The following KLHDC4 variants were observed in gnomAD, a reference collection of about 807,000 sequenced individuals.
The protein encoded by KLHDC4 is kelch domain-containing protein 4.
A neutral mutation model predicts 62.4 loss-of-function variants in KLHDC4; 90 were observed. The observed-to-expected ratio is 1.44, with a 90% CI of 1.22 to 1.72. The LOEUF is 1.72. Among genes scored for constraint, KLHDC4 ranks in the 40% most tolerant of loss-of-function variants. KLHDC4 has a pLI of 0.00. For missense variants in KLHDC4, 1,025 were observed against 699.7 expected, an observed-to-expected ratio of 1.47 and a Z score of -5.25; for synonymous variants, 386 against 284.4, an observed-to-expected ratio of 1.36 and a Z score of -3.59.
chr16:87,724,222 T>C, intron 7 of KLHDC4, among the ~76,000 whole-genome samples: 1 of 152,186 alleles, frequency 6.6e-6, no homozygotes, highest in East Asian at 1.9e-4. Context: ...AATGCTGCTC[T>C]TGAGAATTAG....
At chr16:87,761,448 G>A (rs2045885951) in intron 2 of KLHDC4, among the ~76,000 whole-genome samples, 1 of 152,206 alleles carries the variant, frequency 6.6e-6, no homozygotes, top group African/African-American at 2.4e-5. Flanking sequence ...TCTCATTCCA[G>A]CTCATCCCAC....
At chr16:87,720,438 C>T (rs1287372542) in intron 7 of KLHDC4, among the ~76,000 whole-genome samples, 1 of 152,214 alleles carries the variant, frequency 6.6e-6, no homozygotes, top group Admixed American at 6.5e-5. Flanking sequence ...CTTTGCCAGA[C>T]GCAGGTCCAG....
At chr16:87,745,758 C>T (rs2042946446) in intron 5 of KLHDC4, among the ~76,000 whole-genome samples, 1 of 152,118 alleles carries the variant, frequency 6.6e-6, no homozygotes, top group Non-Finnish European at 1.5e-5. Flanking sequence ...AGGGCAAGGG[C>T]TCAGCACCCC....
chr16:87,746,693 AAAG>A (rs1346845286), intron 5 of KLHDC4, among the ~76,000 whole-genome samples: 5 of 152,192 alleles, frequency 3.3e-5, no homozygotes, highest in African/African-American at 4.8e-5. Context: ...ATTCTGGCAA[AAAG>A]AAGAGAGTGA....
intron 4 of KLHDC4, 110 bp from the exon 5 acceptor site, chr16:87,748,919 C>G: frequency 7.9e-7 from 1 of 1,269,302 alleles, no homozygotes; most frequent in Non-Finnish European, 1.1e-6. Context: ...TGCCCTGCAA[C>G]ATGACCAGCC....
intron 7 of KLHDC4, among the ~76,000 whole-genome samples, chr16:87,716,864 G>A (rs1287225999): frequency 5.3e-5 from 8 of 152,118 alleles, no homozygotes; most frequent in African/African-American, 1.2e-4. Flanking sequence ...CCCAGGAGGC[G>A]GAGCTTGCAG....
intron 5 of KLHDC4, among the ~76,000 whole-genome samples, chr16:87,745,453 G>C (rs1461408947): frequency 2.0e-5 from 3 of 152,366 alleles, no homozygotes; most frequent in African/African-American, 4.8e-5. Flanking sequence ...TGATGCTGCA[G>C]GTACCTTCTC....
Position 87,762,034 on chromosome 16 carries a change from G to A in KLHDC4, c.106C>T (p.Leu36=), listed in dbSNP as rs190572525. The stretch of plus-strand genomic sequence containing the variant: ...TGGAAATGGGCTATGAGCGCTTCCA[G>A]GTCTTCCTAGGGCAAGCAAGCAGGC... ...SKRSRKEEED[L]EALIAHFQTL... is the part of the protein sequence containing the mutation. The change falls in exon 2 of 12, where the codon CTG becomes TTG. Residue 36 remains leucine, a synonymous_variant. Coordinates refer to ENST00000270583, the MANE Select transcript of KLHDC4 (RefSeq NM_017566.4). 49 of 1,613,624 alleles carry A rather than the reference G, an allele frequency of 3.0e-5. No individual in the cohort carries two copies. The highest frequency in any genetic ancestry group is 1.3e-4 in the East Asian group (6 of 44,870).
intron 5 of KLHDC4, among the ~76,000 whole-genome samples, chr16:87,739,464 CTCATCCATCCACACACCAGCACG>C (rs1358215951): frequency 1.4e-5 from 2 of 139,952 alleles, no homozygotes; most frequent in African/African-American, 2.6e-5. Context: ...ACAACAGCAT[CTCATCCATCCACACACCAGCACG>C]TCATCCATCC....
At chr16:87,744,999 C>T (rs1350038992) in intron 5 of KLHDC4, among the ~76,000 whole-genome samples, 5 of 152,108 alleles carry the variant, frequency 3.3e-5, no homozygotes, top group Admixed American at 2.0e-4. Flanking sequence ...GGTGCACACA[C>T]GTGTACACAT....
chr16:87,752,204 C>T (rs140438019), intron 4 of KLHDC4, among the ~76,000 whole-genome samples: 8 of 145,580 alleles, frequency 5.5e-5, no homozygotes, highest in African/African-American at 2.0e-4. Context: ...CCCAGGAGTT[C>T]AACACTTGCC....
At chr16:87,716,235 G>A (rs536787396) in intron 7 of KLHDC4, among the ~76,000 whole-genome samples, 12 of 151,472 alleles carry the variant, frequency 7.9e-5, no homozygotes, top group East Asian at 1.9e-4. Flanking sequence ...CTTTGGGTAC[G>A]CGCTATGTCT....
chr16:87,710,135 A>C, intron 9 of KLHDC4: 1 of 161,310 alleles, frequency 6.2e-6, no homozygotes. Context: ...ATTTACTACA[A>C]ACGGCGAGCC....
intron 6 of KLHDC4, among the ~76,000 whole-genome samples, chr16:87,728,223 C>A (rs1330592785): frequency 2.0e-5 from 3 of 152,192 alleles, no homozygotes; most frequent in Admixed American, 6.6e-5. Flanking sequence ...ACCTTGCTGA[C>A]TGCAACTCAG....
At chr16:87,701,894 GGGGCTCTGCTGTGCACGTGCTCCCTC>G in exon 14 of KLHDC4, 2 of 456,398 alleles carry the variant, frequency 4.4e-6, no homozygotes, top group Non-Finnish European at 8.8e-6. Flanking sequence ...AGTGGAGGAT[GGGGCTCTGCTGTGCACGTGCTCCCTC>G]GGGCCCTCCC....
At chr16:87,764,136 T>A (rs1190068891) in intron 1 of KLHDC4, among the ~76,000 whole-genome samples, 1 of 152,232 alleles carries the variant, frequency 6.6e-6, no homozygotes, top group Admixed American at 6.5e-5. Context: ...ACCACTCTTG[T>A]GATTAGGTTG....
chr16:87,755,305 A>G lies in KLHDC4; in HGVS notation c.271-13T>C. On this transcript the variant is annotated splice_polypyrimidine_tract_variant and intron_variant, in intron 3 of 11. Transcript: ENST00000270583. ...TATACAAAAAAGTCTACAGGAAGGA[A>G]GAAGAATGTCAGTGTCACAAATGAT... 1 of 1,430,132 alleles carries G rather than the reference A, an allele frequency of 7.0e-7. No homozygotes were observed. Among genetic ancestry groups the G allele is most frequent in the Non-Finnish European group, 9.9e-7 (1 of 1,013,930 alleles). The allele number at this position is 1,430,132 out of a possible 1,614,324, so 88.6% of individuals were successfully genotyped here. A position where few individuals can be genotyped will look rare whatever the true frequency, so the allele number is the denominator to read the frequency against.
rs762418140 is a variant in KLHDC4, at chr16:87,761,975, T to G, written c.165A>C (p.Glu55Asp). 6.2e-7 allele frequency: 1 copy of G among 1,613,862 alleles called. No homozygotes were observed. Among genetic ancestry groups the G allele is most frequent in the Admixed American group, 1.7e-5 (1 of 59,960 alleles). The change falls in exon 2 of 12, where the codon GAA becomes GAC. Residue 55 changes from glutamate (E) to aspartate (D), a missense_variant. Transcript: ENST00000270583. ...TTGGTGAGGGTGGGGGGCACGGAAG[T>G]TCCACAGTCTGAGTCCTCTTGGCAT... is the stretch of plus-strand genomic sequence containing the variant. ...TLDAKRTQTV[E>D]LPCPPPSPRL... is the part of the protein sequence containing the mutation.
chr16:87,760,685 A>G (rs1049222808), intron 2 of KLHDC4, among the ~76,000 whole-genome samples: 1 of 151,848 alleles, frequency 6.6e-6, no homozygotes, highest in Non-Finnish European at 1.5e-5. Context: ...CAGGAGTGCT[A>G]TATATCAGAA....
Sources: gnomAD v4.1 joint callset for allele counts (sites outside exome capture counted in the v4.1 genomes callset) on GRCh38, gnomAD v4.1.1 for gene constraint, MANE v1.5 for transcripts, NCBI Gene and HGNC (gene_info 2026-07-23, HGNC 2026-07-21) for gene names.